The following TANC2 variants were observed in gnomAD, a reference collection of about 807,000 sequenced individuals.
The protein encoded by TANC2 is protein TANC2.
In TANC2, 26 loss-of-function variants were observed where a neutral mutation model predicts 210.5. The ratio of observed to expected loss-of-function variants is 0.12; its 90% CI spans 0.09 to 0.17. The LOEUF is 0.17. TANC2 is among the 10% of genes least tolerant of loss of function. The pLI, the probability that TANC2 is intolerant of heterozygous loss-of-function variation, is 1.00. For synonymous variants in TANC2, 931 were observed against 967.1 expected, an observed-to-expected ratio of 0.96 and a Z score of 0.69; for missense variants, 2,129 against 2,608.9, an observed-to-expected ratio of 0.82 and a Z score of 4.01.
intron 4 of TANC2, among the ~76,000 whole-genome samples, chr17:63,140,994 C>G (rs1019072066): frequency 2.0e-5 from 3 of 151,950 alleles, no homozygotes; most frequent in African/African-American, 7.2e-5. Flanking sequence ...AAGTGATTCA[C>G]CTGCCTTGGC....
intron 4 of TANC2, among the ~76,000 whole-genome samples, chr17:63,100,895 A>G (rs1489255544): frequency 6.6e-6 from 1 of 152,228 alleles, no homozygotes; most frequent in Non-Finnish European, 1.5e-5. Flanking sequence ...GATTAATGAC[A>G]TGTATGAACT....
At chr17:63,410,337 T>TC (rs377066407) in intron 21 of TANC2, among the ~76,000 whole-genome samples, 23,468 of 118,162 alleles carry the variant, frequency 0.2, 2,491 homozygotes, top group Non-Finnish European at 0.26. Context: ...ATCTCTCCAA[T>TC]CCCCCCCCCC....
chr17:63,099,049 A>G, intron 3 of TANC2, 126 bp from the exon 4 acceptor site: 3 of 924,908 alleles, frequency 3.2e-6, no homozygotes, highest in Non-Finnish European at 3.4e-6. Context: ...GAATGCATGT[A>G]GTGAAAATAC....
chr17:62,997,455 C>T (rs2033172220), intron 1 of TANC2, among the ~76,000 whole-genome samples: 1 of 152,052 alleles, frequency 6.6e-6, no homozygotes, highest in African/African-American at 2.4e-5. Flanking sequence ...AAATGGATAG[C>T]ATTTACTTTA....
intron 4 of TANC2, among the ~76,000 whole-genome samples, chr17:63,104,695 G>A (rs779101328): frequency 3.9e-5 from 6 of 152,140 alleles, no homozygotes; most frequent in Admixed American, 6.5e-5. Flanking sequence ...ACATGCATGC[G>A]TTTGTTGGTA....
chr17:63,043,861 G>A (rs1446181801), intron 2 of TANC2, among the ~76,000 whole-genome samples: 1 of 152,066 alleles, frequency 6.6e-6, no homozygotes, highest in African/African-American at 2.4e-5. Context: ...GTATATACAG[G>A]AAGCAGTTGG....
At chr17:63,309,449 GA>G (rs2045042175) in intron 9 of TANC2, among the ~76,000 whole-genome samples, 3 of 152,052 alleles carry the variant, frequency 2.0e-5, no homozygotes, top group African/African-American at 7.2e-5. Flanking sequence ...TTATGTCAAA[GA>G]TAAACATTTT....
intron 11 of TANC2, among the ~76,000 whole-genome samples, chr17:63,328,360 G>A (rs545089376): frequency 5.6e-4 from 78 of 139,590 alleles, no homozygotes; most frequent in African/African-American, 2.2e-3. Context: ...TTAAAACATG[G>A]TATGTGTATG....
intron 4 of TANC2, among the ~76,000 whole-genome samples, chr17:63,108,782 C>T (rs982916156): frequency 6.6e-6 from 1 of 151,386 alleles, no homozygotes; most frequent in Admixed American, 6.6e-5. Flanking sequence ...GCACTCCAGC[C>T]TGGTGACAGA....
intron 2 of TANC2, among the ~76,000 whole-genome samples, chr17:63,034,560 G>A (rs920147353): frequency 1.3e-5 from 2 of 152,162 alleles, no homozygotes; most frequent in African/African-American, 4.8e-5. Flanking sequence ...TGATTCCTCT[G>A]ATGGATCTAG....
At position 63,415,468 on chromosome 17, in the gene TANC2, A is replaced by G. The variant is rs760554848; in HGVS notation, c.4021-60A>G. ...TGAGAAGAAGAAGGGAGTGGGGACC[A>G]CACTTCCTCAGCTGTTCAGCAGACC... is the stretch of plus-strand genomic sequence containing the variant. On this transcript the variant is annotated intron_variant, in intron 25 of 27. Transcript: ENST00000689528. The G allele has an allele frequency of 6.0e-5, 96 of 1,588,568 alleles. No homozygotes were observed. In the Middle Eastern group the frequency reaches 1.3e-3, roughly 21 times the overall value.
intron 9 of TANC2, among the ~76,000 whole-genome samples, chr17:63,280,323 C>T (rs1023180940): frequency 2.6e-5 from 4 of 152,030 alleles, no homozygotes; most frequent in Non-Finnish European, 5.9e-5. Context: ...ATAGTTAAAA[C>T]TAAACCCCAG....
chr17:63,328,304 A>G (rs796201410), intron 11 of TANC2, among the ~76,000 whole-genome samples: 55 of 152,154 alleles, frequency 3.6e-4, no homozygotes, highest in African/African-American at 1.3e-3. Flanking sequence ...AAACCTGCCC[A>G]TGTACTTTCT....
Position 63,206,107 on chromosome 17 carries a change from A to G in TANC2, c.769+5150A>G, listed in dbSNP as rs538706335. 2.6e-5 allele frequency among the ~76,000 whole-genome samples: 4 copies of G among 152,340 alleles called. No individual in the cohort carries two copies. In the South Asian group the frequency reaches 8.3e-4, roughly 32 times the overall value. ...ATAGACACATGAAAAGATATTCAAC[A>G]TTACTAGTCATTAGGGAAACGCAAA... On this transcript the variant is annotated intron_variant, in intron 7 of 27. Coordinates refer to ENST00000689528, the Ensembl canonical transcript of TANC2.
At position 63,219,838 on chromosome 17, in the gene TANC2, G is replaced by A. The variant is rs544422307; in HGVS notation, c.770-17976G>A. Among the ~76,000 whole-genome samples, 52 of 151,978 alleles carry A rather than the reference G, an allele frequency of 3.4e-4. 1 individual carries two copies. Among genetic ancestry groups the A allele is most frequent in the Admixed American group, 1.3e-4 (2 of 15,276 alleles). ...AAAAATTAAAAAAAAAGAAATTAAC[G>A]ACCTGATATTATCATTTGTATGGAG... On this transcript the variant is annotated intron_variant, in intron 7 of 27. Transcript: ENST00000689528.
rs369557326 is a variant in TANC2, at chr17:63,400,844, G to C, written c.3331+1930G>C. 5.3e-5 allele frequency among the ~76,000 whole-genome samples: 8 copies of C among 151,592 alleles called. No individual in the cohort carries two copies. In the South Asian group the frequency reaches 1.7e-3, roughly 32 times the overall value. On this transcript the variant is annotated intron_variant, in intron 19 of 27. Transcript: ENST00000689528. ...TTTTTTGTATTTTTAGTAAAGATGG[G>C]GTTTCACCATGTTGGCCAGGCTGGT...
intron 4 of TANC2, among the ~76,000 whole-genome samples, chr17:63,100,180 T>C (rs2037568440): frequency 6.6e-6 from 1 of 152,146 alleles, no homozygotes; most frequent in Non-Finnish European, 1.5e-5. Flanking sequence ...CTGTCTGACA[T>C]TGAGCTAGAC....
intron 9 of TANC2, among the ~76,000 whole-genome samples, 200 bp downstream of exon 9, chr17:63,268,073 G>A (rs1186799578): frequency 1.3e-5 from 2 of 152,170 alleles, no homozygotes; most frequent in East Asian, 3.9e-4. Context: ...CTCATAGACA[G>A]GCATTGTGTA....
intron 5 of TANC2, among the ~76,000 whole-genome samples, chr17:63,158,432 C>T (rs1457045157): frequency 4.6e-5 from 7 of 152,120 alleles, no homozygotes; most frequent in Non-Finnish European, 8.8e-5. Context: ...GTTCCTGCAG[C>T]GCAGTGTTCA....
Sources: allele counts gnomAD v4.1 joint callset (sites outside exome capture counted in the v4.1 genomes callset), GRCh38; gene constraint gnomAD v4.1.1; transcripts MANE v1.5; gene names NCBI Gene and HGNC (gene_info 2026-07-23, HGNC 2026-07-21).